CNTROB: variants seen among roughly 807,000 people sequenced by gnomAD.
CNTROB encodes centrobin, centriole duplication and spindle assembly protein.
A neutral mutation model predicts 115.7 loss-of-function variants in CNTROB; 82 were observed. The ratio of observed to expected loss-of-function variants is 0.71; its 90% CI spans 0.59 to 0.85. The LOEUF is 0.85. Ranked by LOEUF, CNTROB falls within the 40% of genes least tolerant of loss-of-function variation. The pLI is 0.00. For synonymous variants in CNTROB, 439 were observed against 456.4 expected, an observed-to-expected ratio of 0.96 and a Z score of 0.49; for missense variants, 1,014 against 1,144.4, an observed-to-expected ratio of 0.89 and a Z score of 1.64.
At chr17:7,934,596 A>G (rs752165817) in intron 3 of CNTROB, 50 bp downstream of exon 3, 6 of 1,511,152 alleles carry the variant, frequency 4.0e-6, no homozygotes, top group Non-Finnish European at 5.5e-6. Context: ...TTGGAAATCC[A>G]GGTGTTTTGT....
In CNTROB at chr17:7,933,079, C is replaced by A. The variant is rs1195687123; in HGVS notation, c.-1C>A. 6.2e-7 allele frequency: 1 copy of A among 1,613,444 alleles called. No individual in the cohort carries two copies. The highest frequency in any genetic ancestry group is 8.5e-7 in the Non-Finnish European group (1 of 1,179,742). On this transcript the variant is annotated 5_prime_UTR_variant, in exon 1 of 19. Coordinates refer to ENST00000563694, the MANE Select transcript of CNTROB (RefSeq NM_053051.5). ...TCTCCGGTTGTCTCTTCCCTGTATT[C>A]ATGGCAACATCAGCTGACAGCCCCA...
In CNTROB at chr17:7,944,395, C is replaced by A; in HGVS notation, c.1572-81C>A. The stretch of plus-strand genomic sequence containing the variant: ...TCCTTTCAGAATATCAGATGTCCAA[C>A]ATTTCCCTTCTGGCTCTTTTTAGCT... On this transcript the variant is annotated intron_variant, in intron 11 of 18. Transcript: ENST00000563694. This position sits in a 1 kb window ranked among gnomAD's most constrained non-coding sequence, Gnocchi z 4.0. 6.3e-7 allele frequency: 1 copy of A among 1,581,562 alleles called. No individual in the cohort carries two copies.
chr17:7,942,787 ATTTTTTTTTTTTTTTTTTTT>A (rs71159534), intron 9 of CNTROB, among the ~76,000 whole-genome samples: 1 of 35,790 alleles, frequency 2.8e-5, no homozygotes, highest in Non-Finnish European at 5.0e-5. Context: ...TACTCAGGGT[ATTTTTTTTTTTTTTTTTTTT>A]TTTTTTTTTT....
chr17:7,934,269 A>G (rs752063758), intron 2 of CNTROB, 47 bp downstream of exon 2: 1 of 1,556,424 alleles, frequency 6.4e-7, no homozygotes, highest in East Asian at 2.2e-5. Flanking sequence ...CCTAGATGTA[A>G]GGGGTGGGAG....
In CNTROB at chr17:7,944,322, A is replaced by T. The variant is rs771949369; in HGVS notation, c.1571+74A>T. On this transcript the variant is annotated intron_variant, in intron 11 of 18. Transcript: ENST00000563694. The surrounding 1 kb of genome is among the most constrained non-coding windows in gnomAD (Gnocchi z 4.0). ...GGTAGAGCCCAAACTGGGAACGGTG[A>T]AGAGCTGCTCCCTTGATTGATCTGT... 6.4e-7 allele frequency: 1 copy of T among 1,565,692 alleles called. No homozygotes were observed. The highest frequency in any genetic ancestry group is 8.8e-7 in the Non-Finnish European group (1 of 1,136,018).
Position 7,945,928 on chromosome 17 carries a change from T to G in CNTROB, c.1935T>G (p.Phe645Leu). 2 of 1,614,132 alleles carry G rather than the reference T, an allele frequency of 1.2e-6. No individual in the cohort carries two copies. Among genetic ancestry groups the G allele is most frequent in the South Asian group, 2.2e-5 (2 of 91,082 alleles). ...SDLSLLLGPS[F>L]QSQHSFQPLE... is the part of the protein sequence containing the mutation. Reference sequence around the variant, plus strand: ...TTAGCCTCCTGTTGGGCCCCTCTTTTCAGAGCCAGCATTCTTTCCAGCCCC... The same window carrying G: ...TTAGCCTCCTGTTGGGCCCCTCTTTGCAGAGCCAGCATTCTTTCCAGCCCC... The change falls in exon 13 of 19, where the codon TTT (phenylalanine) becomes TTG (leucine). Residue 645 changes from phenylalanine to leucine, a missense_variant. Physicochemically the swap from Phe to Leu is conservative, Grantham distance 22. Coordinates refer to ENST00000563694, the MANE Select transcript of CNTROB (RefSeq NM_053051.5).
At chr17:7,949,284 T>C (rs1974928908) in intron 18 of CNTROB, 101 bp from the exon 19 acceptor site, 2 of 1,587,004 alleles carry the variant, frequency 1.3e-6, no homozygotes, top group Non-Finnish European at 1.7e-6. Context: ...CTTTCCTCCC[T>C]GCAGACTCAT....
intron 9 of CNTROB, among the ~76,000 whole-genome samples, chr17:7,942,379 C>G (rs1226250689): frequency 6.6e-6 from 1 of 151,898 alleles, no homozygotes; most frequent in Admixed American, 6.6e-5. Context: ...GGGTGGATCA[C>G]GAGGTCAGGA....
In CNTROB at chr17:7,944,669, C is replaced by T. The variant is rs947769941; in HGVS notation, c.1734+31C>T. The T allele has an allele frequency of 6.4e-6, 10 of 1,574,494 alleles. No homozygotes were observed. The highest frequency in any genetic ancestry group is 7.8e-6 in the Non-Finnish European group (9 of 1,159,332). Reference sequence around the variant, plus strand: ...CCTTACCCCTTGAGCTAAGCTTCTCCGTTATGTTCTATTTTTATTTTTATT... The same window carrying T: ...CCTTACCCCTTGAGCTAAGCTTCTCTGTTATGTTCTATTTTTATTTTTATT... On this transcript the variant is annotated intron_variant, in intron 12 of 18. Coordinates refer to ENST00000563694, the MANE Select transcript of CNTROB (RefSeq NM_053051.5). The surrounding 1 kb of genome is among the most constrained non-coding windows in gnomAD (Gnocchi z 4.0).
In CNTROB at chr17:7,943,877, TCTC is replaced by T. The variant is rs1285406609; in HGVS notation, c.1446-242_1446-240del. 1.3e-5 allele frequency among the ~76,000 whole-genome samples: 2 copies of T among 152,064 alleles called. No individual in the cohort carries two copies. The highest frequency in any genetic ancestry group is 2.4e-5 in the African/African-American group (1 of 41,410). The stretch of plus-strand genomic sequence containing the variant: ...AGCCTCCTCGCAGCCTGGCCTCACT[TCTC>T]CTCACACCCATTCTGCTGCCGAGAT... On this transcript the variant is annotated intron_variant, in intron 10 of 18. Coordinates refer to ENST00000563694, the MANE Select transcript of CNTROB (RefSeq NM_053051.5). The surrounding 1 kb of genome is among the most constrained non-coding windows in gnomAD (Gnocchi z 4.7).
chr17:7,938,781 T>C (rs1246322163), intron 7 of CNTROB, among the ~76,000 whole-genome samples: 1 of 152,104 alleles, frequency 6.6e-6, no homozygotes, highest in East Asian at 1.9e-4. Context: ...TGTCAACTAT[T>C]GTGTTTGTTT....
rs771681131 is a variant in CNTROB at position 7,934,547 on chromosome 17, G to A, written c.437+1G>A. ...GTGATAGCACAGCCACCTTGCTCAAGTGAGTTCTCCTTGTGGTTCTCCTAG... is the reference window on the plus strand; with the variant it reads ...GTGATAGCACAGCCACCTTGCTCAAATGAGTTCTCCTTGTGGTTCTCCTAG... On this transcript the variant is annotated splice_donor_variant, in intron 3 of 18. Coordinates refer to ENST00000563694, the MANE Select transcript of CNTROB (RefSeq NM_053051.5). LOFTEE classifies it high-confidence loss of function. 3 of 1,612,398 alleles carry A rather than the reference G, an allele frequency of 1.9e-6. No homozygotes were observed. Among genetic ancestry groups the A allele is most frequent in the Non-Finnish European group, 2.5e-6 (3 of 1,178,426 alleles).
chr17:7,944,465 C>T lies in CNTROB; in HGVS notation c.1572-11C>T, dbSNP rs1200861449. 1.9e-6 allele frequency: 3 copies of T among 1,611,828 alleles called. No homozygotes were observed. The highest frequency in any genetic ancestry group is 1.3e-5 in the African/African-American group (1 of 74,890). ...AAAGGCCCTGAGTCACTTCTTCTCT[C>T]TTTGCTTCAGACTGGCCCGGGAGCA... On this transcript the variant is annotated splice_polypyrimidine_tract_variant and intron_variant, in intron 11 of 18. Coordinates refer to ENST00000563694, the MANE Select transcript of CNTROB (RefSeq NM_053051.5). The surrounding 1 kb of genome is among the most constrained non-coding windows in gnomAD (Gnocchi z 4.0).
intron 9 of CNTROB, among the ~76,000 whole-genome samples, chr17:7,940,759 A>G (rs910879535): frequency 3.3e-5 from 5 of 152,228 alleles, no homozygotes; most frequent in African/African-American, 1.2e-4. Flanking sequence ...TACACTTTGA[A>G]AAACTCTTTC....
rs761577765 is a variant in CNTROB at position 7,947,523 on chromosome 17, T to A, written c.1994-48T>A. 5.2e-5 allele frequency: 79 copies of A among 1,508,784 alleles called. No homozygotes were observed. The African/African-American group carries it at 9.6e-4, about 18-fold the overall frequency. 93.5% of individuals were successfully genotyped at this position (1,508,784 alleles called of 1,614,324 possible). ...TGAGTTGATTTGTGGAGAAGCCCCT[T>A]CCCCCCTGAACACACTTGCACCCAC... On this transcript the variant is annotated intron_variant, in intron 13 of 18. Transcript: ENST00000563694.
intron 4 of CNTROB, 57 bp downstream of exon 4, chr17:7,935,202 G>A: frequency 6.2e-7 from 1 of 1,609,066 alleles, no homozygotes; most frequent in Admixed American, 1.7e-5. Flanking sequence ...GGGGACCCAA[G>A]TGTTGAAAAG....
Position 7,939,732 on chromosome 17 carries a change from C to T in CNTROB, c.1147C>T (p.Gln383Ter), listed in dbSNP as rs1207514754. ...GGCGCTGCAGGAGGAGAGCCAGGCT[C>T]AGCTGGAAAGGGAGAAGGTAAAAGT... is the stretch of plus-strand genomic sequence containing the variant. ...YQALQEESQA[Q>*]LEREKEKSQR... The change falls in exon 8 of 19, where the codon CAG (glutamine) becomes TAG (stop). Residue 383 changes from glutamine (Q) to a stop codon, truncating the protein, a stop_gained. Transcript: ENST00000563694. LOFTEE classifies it high-confidence loss of function. This position sits in a 1 kb window ranked among gnomAD's most constrained non-coding sequence, Gnocchi z 4.4. 1 of 1,613,978 alleles carries T rather than the reference C, an allele frequency of 6.2e-7. No individual in the cohort carries two copies. Among genetic ancestry groups the T allele is most frequent in the Admixed American group, 1.7e-5 (1 of 60,008 alleles).
chr17:7,945,413 A>G (rs1295802091), intron 12 of CNTROB: 1 of 196,312 alleles, frequency 5.1e-6, no homozygotes, highest in African/African-American at 2.3e-5. Flanking sequence ...TCATTTATTT[A>G]TTTGAGACAA....
In CNTROB at chr17:7,947,967, C is replaced by T. The variant is rs1974752439; in HGVS notation, c.2197C>T (p.Pro733Ser). Residue 733 changes from proline to serine, a missense_variant, in exon 15 of 19, where the codon CCC becomes TCC. By Grantham distance (74) the Pro-to-Ser change is moderately conservative (BLOSUM62 -1). Coordinates refer to ENST00000563694, the MANE Select transcript of CNTROB (RefSeq NM_053051.5). Reference protein sequence around the residue: ...NNENPSVDLLPPKSGPLTVPS... With the variant: ...NNENPSVDLLSPKSGPLTVPS... ...TGAGAACCCTTCTGTCGACCTGTTG[C>T]CCCCTAAGTCTGGTGAGTTCCAACT... 2 of 1,613,712 alleles carry T rather than the reference C, an allele frequency of 1.2e-6. No homozygotes were observed. The highest frequency in any genetic ancestry group is 1.7e-6 in the Non-Finnish European group (2 of 1,179,678).
Sources: allele counts gnomAD v4.1 joint callset (sites outside exome capture counted in the v4.1 genomes callset), GRCh38; gene constraint gnomAD v4.1.1; non-coding constraint Gnocchi (gnomAD v3.1); transcripts MANE v1.5; gene names NCBI Gene and HGNC (gene_info 2026-07-23, HGNC 2026-07-21).